The following HDAC9 variants were observed in gnomAD, a reference collection of about 807,000 sequenced individuals.
HDAC9 encodes the protein histone deacetylase 9.
Under a neutral mutation model 139.4 loss-of-function variants are expected in HDAC9, and 41 were observed. The ratio of observed to expected loss-of-function variants is 0.29; its 90% CI spans 0.23 to 0.38. The LOEUF (loss-of-function observed/expected upper bound fraction) is 0.38, where lower values mean the gene tolerates loss of function less well. HDAC9 is among the 10% of genes least tolerant of loss of function. The probability of loss-of-function intolerance (pLI) is 1.00; values close to 1 mark genes in which losing one functional copy is unlikely to be tolerated. For missense variants in HDAC9, 1,147 were observed against 1,297.0 expected (o/e 0.88, Z 1.78); for synonymous variants, 517 against 476.2 (o/e 1.09, Z -1.12).
chr7:18,702,730 C>T (rs1056408322), intron 12 of HDAC9, among the ~76,000 whole-genome samples: 4 of 152,150 alleles, frequency 2.6e-5, no homozygotes, highest in Non-Finnish European at 4.4e-5. Context: ...AAGGACAACT[C>T]GGCGGAACAA....
chr7:18,917,358 T>C (rs1345749651), intron 22 of HDAC9, among the ~76,000 whole-genome samples: 3 of 152,066 alleles, frequency 2.0e-5, no homozygotes, highest in Non-Finnish European at 4.4e-5. Flanking sequence ...CTACTGTGTT[T>C]ATTTATTGGT....
At chr7:18,814,453 T>C (rs1794417310) in intron 17 of HDAC9, among the ~76,000 whole-genome samples, 1 of 152,216 alleles carries the variant, frequency 6.6e-6, no homozygotes, top group Non-Finnish European at 1.5e-5. Flanking sequence ...TTTGTTTCAA[T>C]CTCTGCAAAA....
At chr7:18,988,911 G>A (rs1426642529) in intron 25 of HDAC9, among the ~76,000 whole-genome samples, 1 of 139,488 alleles carries the variant, frequency 7.2e-6, no homozygotes. Flanking sequence ...TTTTCCATTT[G>A]CTTGGTAGAT....
intron 21 of HDAC9, among the ~76,000 whole-genome samples, chr7:18,868,374 T>C (rs1798651180): frequency 6.6e-6 from 1 of 152,226 alleles, no homozygotes; most frequent in African/African-American, 2.4e-5. Flanking sequence ...CTTAGCTTTG[T>C]TCACACACAT....
chr7:18,315,896 G>C (rs1286794068), intron 1 of HDAC9, among the ~76,000 whole-genome samples: 1 of 152,182 alleles, frequency 6.6e-6, no homozygotes, highest in East Asian at 1.9e-4. Context: ...GTGTCTGATG[G>C]ACCTGTGTTT....
At chr7:18,407,213 G>C (rs956316203) in intron 1 of HDAC9, among the ~76,000 whole-genome samples, 6 of 151,920 alleles carry the variant, frequency 3.9e-5, no homozygotes, top group African/African-American at 1.5e-4. Flanking sequence ...TTCATGTTTT[G>C]TTCACCTATT....
chr7:18,213,012 A>G (rs1792056695), intron 2 of HDAC9, among the ~76,000 whole-genome samples: 1 of 152,236 alleles, frequency 6.6e-6, no homozygotes, highest in South Asian at 2.1e-4. Context: ...TGCTTTAGAC[A>G]GCATGTAATT....
intron 22 of HDAC9, among the ~76,000 whole-genome samples, chr7:18,877,027 T>A (rs1799370566): frequency 1.3e-5 from 2 of 152,092 alleles, no homozygotes; most frequent in South Asian, 2.1e-4. Context: ...CGATGCACAC[T>A]ACAGAGAACA....
intron 1 of HDAC9, among the ~76,000 whole-genome samples, chr7:18,316,022 G>C (rs999526228): frequency 6.6e-6 from 1 of 152,202 alleles, no homozygotes; most frequent in Non-Finnish European, 1.5e-5. Flanking sequence ...GGGTGGTTGT[G>C]AGAATGAAAT....
At chr7:18,974,352 C>T (rs897260707) in intron 24 of HDAC9, among the ~76,000 whole-genome samples, 11 of 152,264 alleles carry the variant, frequency 7.2e-5, no homozygotes, top group African/African-American at 1.9e-4. Context: ...ATCTTAAATA[C>T]GTGTTCTACT....
intron 17 of HDAC9, among the ~76,000 whole-genome samples, chr7:18,827,184 C>G (rs1265315960): frequency 6.6e-6 from 1 of 151,874 alleles, no homozygotes; most frequent in Non-Finnish European, 1.5e-5. Flanking sequence ...ATTATTAATA[C>G]TAACACTTCA....
At chr7:18,359,617 T>G (rs1003386671) in intron 1 of HDAC9, among the ~76,000 whole-genome samples, 6 of 152,150 alleles carry the variant, frequency 3.9e-5, no homozygotes, top group Admixed American at 3.3e-4. Flanking sequence ...CTTTGGTGAT[T>G]TTTTTTGTTG....
At position 18,264,920 on chromosome 7, in the gene HDAC9, A is replaced by G. The variant is rs143267159; in HGVS notation, c.25+102571A>G. 1.9e-3 allele frequency among the ~76,000 whole-genome samples: 289 copies of G among 152,338 alleles called. 1 individual carries two copies. The highest frequency in any genetic ancestry group is 6.5e-3 in the African/African-American group (269 of 41,582). On this transcript the variant is annotated intron_variant, in intron 2 of 12. Coordinates refer to the HDAC9 transcript ENST00000417496. Reference sequence around the variant, plus strand: ...ATATCTCAGTGGTATGAGATAGTCCACATCTTTTTATGGACTTTTTGTTTT... The same window carrying G: ...ATATCTCAGTGGTATGAGATAGTCCGCATCTTTTTATGGACTTTTTGTTTT...
intron 2 of HDAC9, among the ~76,000 whole-genome samples, chr7:18,276,330 C>A (rs777558407): frequency 6.6e-6 from 1 of 152,170 alleles, no homozygotes; most frequent in South Asian, 2.1e-4. Context: ...GGTATTGATA[C>A]AGTATTTCCT....
At chr7:18,224,193 T>A (rs1032751385) in intron 2 of HDAC9, among the ~76,000 whole-genome samples, 3 of 152,172 alleles carry the variant, frequency 2.0e-5, no homozygotes, top group African/African-American at 7.2e-5. Context: ...GTTTATGAAG[T>A]CAGTGTCCAT....
At chr7:18,525,682 A>C (rs1806618560) in intron 2 of HDAC9, among the ~76,000 whole-genome samples, 1 of 152,122 alleles carries the variant, frequency 6.6e-6, no homozygotes, top group Non-Finnish European at 1.5e-5. Flanking sequence ...TGAAACATAG[A>C]ATATATTAAT....
intron 2 of HDAC9, among the ~76,000 whole-genome samples, chr7:18,232,844 A>G (rs1793556131): frequency 6.6e-6 from 1 of 152,160 alleles, no homozygotes; most frequent in African/African-American, 2.4e-5. Context: ...CCTTTGCCCA[A>G]TTCCTGAATA....
chr7:18,289,383 G>T (rs1261048947), upstream of HDAC9, among the ~76,000 whole-genome samples: 1 of 152,140 alleles, frequency 6.6e-6, no homozygotes, highest in African/African-American at 2.4e-5. Context: ...TGCATTGGGG[G>T]TATACTAAGA....
intron 17 of HDAC9, among the ~76,000 whole-genome samples, chr7:18,811,964 C>T (rs1009201063): frequency 6.6e-6 from 1 of 151,682 alleles, no homozygotes; most frequent in African/African-American, 2.4e-5. Context: ...AGCTCAAATC[C>T]CTTACATAAA....
Sources: gnomAD v4.1 joint callset for allele counts (sites outside exome capture counted in the v4.1 genomes callset) on GRCh38, gnomAD v4.1.1 for gene constraint, MANE v1.5 for transcripts, NCBI Gene and HGNC (gene_info 2026-07-23, HGNC 2026-07-21) for gene names.